TRAPPC12: variants seen among roughly 807,000 people sequenced by gnomAD.
TRAPPC12 encodes trafficking protein particle complex subunit 12, also known as TPR repeat protein 15.
Under a neutral mutation model 69.2 loss-of-function variants are expected in TRAPPC12, and 61 were observed. The ratio of observed to expected loss-of-function variants is 0.88; its 90% confidence interval spans 0.72 to 1.09. The LOEUF (loss-of-function observed/expected upper bound fraction) is 1.09. TRAPPC12 is among the 50% of genes least tolerant of loss of function. The pLI is 0.00. For missense variants in TRAPPC12, 1,101 were observed against 1,016.4 expected (o/e 1.08, Z -1.13); for synonymous variants, 469 against 438.9 (o/e 1.07, Z -0.86).
chr2:3,421,568 A>ATGTGC, intron 3 of TRAPPC12: 1 of 564,128 alleles, frequency 1.8e-6, no homozygotes, highest in Non-Finnish European at 3.4e-6. Flanking sequence ...AGATTGAGAG[A>ATGTGC]TGTGCGGAGC....
intron 6 of TRAPPC12, among the ~76,000 whole-genome samples, chr2:3,446,503 C>T (rs1274174183): frequency 6.6e-6 from 1 of 152,246 alleles, no homozygotes; most frequent in Non-Finnish European, 1.5e-5. Flanking sequence ...TATAGTCAGC[C>T]TTGCCTGTCC....
intron 9 of TRAPPC12, among the ~76,000 whole-genome samples, chr2:3,473,188 G>T (rs536534049): frequency 1.2e-4 from 19 of 152,164 alleles, no homozygotes; most frequent in Middle Eastern, 3.2e-3. Flanking sequence ...GCAGGTGAGG[G>T]GGGGTCAGGG....
At chr2:3,386,134 T>C (rs1394590794) in intron 1 of TRAPPC12, among the ~76,000 whole-genome samples, 2 of 152,250 alleles carry the variant, frequency 1.3e-5, no homozygotes, top group Non-Finnish European at 2.9e-5. Flanking sequence ...TTGGGAAGGC[T>C]GACTCATTGG....
Position 3,400,850 on chromosome 2 carries a change from T to C in TRAPPC12, c.1048-927T>C, listed in dbSNP as rs570297740. ...CATGAAGGCTGGCTCGCCCAGCATC[T>C]GGGCTTGACACTAGCTGTGAGATTG... On this transcript the variant is annotated intron_variant, in intron 2 of 11. Transcript: ENST00000324266. Among the ~76,000 whole-genome samples, 3 of 152,336 alleles carry C rather than the reference T, an allele frequency of 2.0e-5. No homozygotes were observed. The East Asian group carries it at 5.8e-4, about 29-fold the overall frequency.
intron 1 of TRAPPC12, among the ~76,000 whole-genome samples, chr2:3,382,130 C>CTTTTT (rs70938942): frequency 9.6e-5 from 9 of 93,588 alleles, no homozygotes; most frequent in African/African-American, 1.7e-4. Context: ...TTTATTTCCA[C>CTTTTT]TTTTTTTTTT....
chr2:3,470,166 A>G (rs1665998410), intron 9 of TRAPPC12, among the ~76,000 whole-genome samples: 1 of 152,238 alleles, frequency 6.6e-6, no homozygotes, highest in Non-Finnish European at 1.5e-5. Flanking sequence ...AGCTGGGCCC[A>G]TTCTGCTCAC....
At chr2:3,452,337 A>G (rs1572182161) in intron 6 of TRAPPC12, among the ~76,000 whole-genome samples, 2 of 152,150 alleles carry the variant, frequency 1.3e-5, no homozygotes, top group Admixed American at 6.5e-5. Flanking sequence ...AGAGGTCTCT[A>G]TGTCCCCTCC....
intron 8 of TRAPPC12, among the ~76,000 whole-genome samples, chr2:3,461,971 G>A (rs115572164): frequency 0.011 from 1,656 of 152,342 alleles, 27 homozygotes; most frequent in African/African-American, 0.038. Flanking sequence ...CGGTCTGGGC[G>A]GTCCGCAGTA....
At chr2:3,449,440 T>C (rs911324674) in intron 6 of TRAPPC12, 1 of 152,434 alleles carries the variant, frequency 6.6e-6, no homozygotes, top group Non-Finnish European at 1.5e-5. Context: ...ATCCAAGTGC[T>C]TCTTTACAGA....
At chr2:3,389,727 C>T (rs929737014) in intron 2 of TRAPPC12, 1 of 470,962 alleles carries the variant, frequency 2.1e-6, no homozygotes, top group African/African-American at 2.0e-5. Context: ...CCGCGGAGTC[C>T]TGAGTTCTTG....
intron 3 of TRAPPC12, among the ~76,000 whole-genome samples, chr2:3,417,887 A>G (rs1413505448): frequency 9.0e-6 from 1 of 110,518 alleles, no homozygotes; most frequent in East Asian, 3.0e-4. Context: ...TACTAAAAAT[A>G]CAAACTTTAG....
chr2:3,457,354 G>T (rs1029691987), intron 6 of TRAPPC12: 5 of 484,974 alleles, frequency 1.0e-5, no homozygotes, highest in Non-Finnish European at 1.9e-5. Context: ...TGACTACCTG[G>T]GTGATGGCTT....
chr2:3,424,901 C>A (rs1479935997), intron 5 of TRAPPC12, among the ~76,000 whole-genome samples: 2 of 152,246 alleles, frequency 1.3e-5, no homozygotes, highest in East Asian at 3.8e-4. Flanking sequence ...GTGTCAAGCA[C>A]CTGCTCTGTC....
intron 6 of TRAPPC12, chr2:3,456,045 A>G (rs1038534912): frequency 2.6e-5 from 4 of 152,204 alleles, no homozygotes; most frequent in African/African-American, 9.6e-5. Flanking sequence ...TTCTGTTCTT[A>G]TGATCATTCA....
chr2:3,465,595 A>C lies in TRAPPC12; in HGVS notation c.1678-2A>C. The C allele has an allele frequency of 6.2e-7, 1 of 1,612,190 alleles. No homozygotes were observed. Among genetic ancestry groups the C allele is most frequent in the Non-Finnish European group, 8.5e-7 (1 of 1,178,228 alleles). On this transcript the variant is annotated splice_acceptor_variant, in intron 8 of 11. Transcript: ENST00000324266. LOFTEE classifies it high-confidence loss of function. ...AAGTACGTTGGGTTTTTCTTCCCAC[A>C]GGATTATGTGCTGGCCGTGGAGGCG...
At position 3,388,458 on chromosome 2, in the gene TRAPPC12, C is replaced by A; in HGVS notation, c.835C>A (p.Pro279Thr). The A allele has an allele frequency of 6.2e-7, 1 of 1,611,668 alleles. No homozygotes were observed. Among genetic ancestry groups the A allele is most frequent in the Non-Finnish European group, 8.5e-7 (1 of 1,179,292 alleles). The change falls in exon 2 of 12, where the codon CCT (proline) becomes ACT (threonine). Residue 279 changes from proline to threonine, a missense_variant. By Grantham distance (38) the Pro-to-Thr change is conservative. Coordinates refer to ENST00000324266, the MANE Select transcript of TRAPPC12 (RefSeq NM_016030.6). Reference protein sequence around the residue: ...QAAAPPASPEPFAHIQAVFAG... With the variant: ...QAAAPPASPETFAHIQAVFAG... ...AGCTGCGCCCCCGGCGTCGCCAGAG[C>A]CTTTCGCGCACATCCAGGCAGTGTT...
intron 11 of TRAPPC12, 79 bp from the exon 12 acceptor site, chr2:3,479,140 C>T (rs1430030409): frequency 6.4e-6 from 10 of 1,564,114 alleles, no homozygotes; most frequent in East Asian, 4.5e-5. Flanking sequence ...GCCCCTAACA[C>T]GGCCCAGCAC....
chr2:3,429,355 A>G (rs1663299449), intron 5 of TRAPPC12, among the ~76,000 whole-genome samples: 1 of 152,240 alleles, frequency 6.6e-6, no homozygotes, highest in Non-Finnish European at 1.5e-5. Context: ...TGTCAAAACA[A>G]GAAGAATAAA....
chr2:3,401,660 C>T (rs1051578244), intron 2 of TRAPPC12, 117 bp from the exon 3 acceptor site: 1 of 567,436 alleles, frequency 1.8e-6, no homozygotes, highest in African/African-American at 1.9e-5. Context: ...ATAACCGTTA[C>T]TTTTACCTCC....
Sources: gnomAD v4.1 joint callset for allele counts (sites outside exome capture counted in the v4.1 genomes callset) on GRCh38, gnomAD v4.1.1 for gene constraint, MANE v1.5 for transcripts, NCBI Gene and HGNC (gene_info 2026-07-23, HGNC 2026-07-21) for gene names.